PARVB: variants seen among roughly 807,000 people sequenced by gnomAD.
The protein encoded by PARVB is parvin beta.
A neutral mutation model predicts 47.0 loss-of-function variants in PARVB; 46 were observed. That is an observed-to-expected ratio of 0.98 (90% CI 0.77 to 1.25). The LOEUF is 1.25. Ranked by LOEUF, PARVB falls within the 50% of genes most tolerant of loss-of-function variation. The probability of loss-of-function intolerance (pLI) is 0.00; values close to 1 mark genes in which losing one functional copy is unlikely to be tolerated. For synonymous variants in PARVB, 196 were observed against 196.3 expected (o/e 1.00, Z 0.01); for missense variants, 473 against 471.6 (o/e 1.00, Z -0.03).
At chr22:44,100,565 A>G (rs563001221) in intron 3 of PARVB, among the ~76,000 whole-genome samples, 63 of 152,198 alleles carry the variant, frequency 4.1e-4, no homozygotes, top group Admixed American at 9.2e-4. Flanking sequence ...GCCTGCGCTG[A>G]GTGGACAGTC....
intron 4 of PARVB, among the ~76,000 whole-genome samples, chr22:44,123,163 A>G (rs2053108685): frequency 6.6e-6 from 1 of 152,184 alleles, no homozygotes; most frequent in African/African-American, 2.4e-5. Flanking sequence ...CAGTGTGCAG[A>G]CATGATGTAA....
chr22:44,086,484 C>A (rs893900692), intron 1 of PARVB, among the ~76,000 whole-genome samples: 1 of 152,162 alleles, frequency 6.6e-6, no homozygotes, highest in Non-Finnish European at 1.5e-5. Flanking sequence ...TGGGGAGGGC[C>A]AGGCCTCACA....
At chr22:44,087,899 G>C (rs909275527) in intron 1 of PARVB, among the ~76,000 whole-genome samples, 37 of 137,556 alleles carry the variant, frequency 2.7e-4, no homozygotes, top group African/African-American at 9.4e-4. Context: ...CCAATCTTTG[G>C]GTGGAGGCTT....
intron 4 of PARVB, among the ~76,000 whole-genome samples, chr22:44,127,476 T>C (rs1213630381): frequency 6.6e-6 from 1 of 152,220 alleles, no homozygotes; most frequent in African/African-American, 2.4e-5. Context: ...CTCTTTGGCT[T>C]TCCAAAGGCA....
chr22:44,060,220 G>T (rs867707425), intron 1 of PARVB, among the ~76,000 whole-genome samples: 2 of 152,084 alleles, frequency 1.3e-5, no homozygotes, highest in African/African-American at 2.4e-5. Context: ...GGAGGCTGAG[G>T]CAGGAGAATC....
At chr22:44,101,159 C>T (rs988782473) in intron 3 of PARVB, among the ~76,000 whole-genome samples, 48 of 152,134 alleles carry the variant, frequency 3.2e-4, no homozygotes, top group African/African-American at 1.0e-3. Context: ...CCTGTAATCC[C>T]AGCACTTTGG....
intron 1 of PARVB, among the ~76,000 whole-genome samples, chr22:44,036,696 G>A (rs868419567): frequency 3.3e-5 from 5 of 152,114 alleles, no homozygotes; most frequent in East Asian, 3.8e-4. Flanking sequence ...GAAGGAGTGC[G>A]TTGGCTCATG....
chr22:44,088,281 G>T (rs2052080138), intron 1 of PARVB, among the ~76,000 whole-genome samples: 1 of 152,172 alleles, frequency 6.6e-6, no homozygotes, highest in East Asian at 1.9e-4. Context: ...GCTTCAGCTG[G>T]GGAGAGGGGA....
intron 8 of PARVB, chr22:44,142,343 A>C: frequency 8.3e-6 from 1 of 119,940 alleles, no homozygotes; most frequent in Non-Finnish European, 1.6e-5. Flanking sequence ...GCGCCACTGC[A>C]CTCCAGCCTG....
intron 2 of PARVB, among the ~76,000 whole-genome samples, chr22:44,002,468 G>A (rs1042238515): frequency 6.6e-6 from 1 of 152,148 alleles, no homozygotes; most frequent in African/African-American, 2.4e-5. Context: ...AAACAAAAGC[G>A]AAGTGCCTGG....
rs1269124435 is a variant in PARVB, at chr22:44,100,171, T to C, written c.273+48T>C. Reference sequence around the variant, plus strand: ...GAATCTTCCTCTTAGGGCGAGGACTTGGCTTTGGGGTTCAGGGCTCTCATG... The same window carrying C: ...GAATCTTCCTCTTAGGGCGAGGACTCGGCTTTGGGGTTCAGGGCTCTCATG... On this transcript the variant is annotated intron_variant, in intron 3 of 12. Coordinates refer to ENST00000338758, the MANE Select transcript of PARVB (RefSeq NM_013327.5). The C allele has an allele frequency of 2.0e-6, 3 of 1,484,882 alleles. No homozygotes were observed. The Admixed American group carries it at 5.0e-5, about 25-fold the overall frequency. 92.0% of individuals were successfully genotyped at this position (1,484,882 alleles called of 1,614,324 possible).
At chr22:44,075,491 T>C (rs559078035) in intron 1 of PARVB, among the ~76,000 whole-genome samples, 3 of 152,140 alleles carry the variant, frequency 2.0e-5, no homozygotes, top group Non-Finnish European at 4.4e-5. Context: ...TCACCCAGAG[T>C]CCACAGTTTC....
chr22:44,012,127 T>C (rs1375347114), intron 2 of PARVB, among the ~76,000 whole-genome samples: 1 of 152,200 alleles, frequency 6.6e-6, no homozygotes, highest in Admixed American at 6.5e-5. Flanking sequence ...TGGGGGACTT[T>C]CCCAGTTTTC....
At chr22:44,165,362 T>C (rs1296612818) in intron 12 of PARVB, among the ~76,000 whole-genome samples, 1 of 152,180 alleles carries the variant, frequency 6.6e-6, no homozygotes, top group Non-Finnish European at 1.5e-5. Flanking sequence ...GTGCTGAGAA[T>C]GGTGCCTGGC....
chr22:44,047,362 G>A (rs115853909), intron 1 of PARVB, among the ~76,000 whole-genome samples: 1,960 of 152,244 alleles, frequency 0.013, 53 homozygotes, highest in African/African-American at 0.044. Flanking sequence ...GGCTTAGGTC[G>A]CTGTATTCAT....
At chr22:44,011,153 T>C (rs1426559331) in intron 2 of PARVB, among the ~76,000 whole-genome samples, 2 of 152,094 alleles carry the variant, frequency 1.3e-5, no homozygotes, top group Non-Finnish European at 2.9e-5. Flanking sequence ...AAAATATTTT[T>C]CATAGAGATG....
At chr22:44,038,431 A>G (rs935617834) in intron 1 of PARVB, among the ~76,000 whole-genome samples, 4 of 152,132 alleles carry the variant, frequency 2.6e-5, no homozygotes, top group African/African-American at 7.2e-5. Flanking sequence ...AAGCCTACTT[A>G]ACTCATAGGG....
chr22:44,037,972 C>G (rs2050950259), intron 1 of PARVB, among the ~76,000 whole-genome samples: 1 of 152,218 alleles, frequency 6.6e-6, no homozygotes, highest in Non-Finnish European at 1.5e-5. Context: ...GCTCCAGCTC[C>G]CAGGTCTTCT....
intron 1 of PARVB, among the ~76,000 whole-genome samples, chr22:44,034,422 G>T (rs1569064954): frequency 6.6e-6 from 1 of 151,556 alleles, no homozygotes; most frequent in Non-Finnish European, 1.5e-5. Context: ...TTGCTGTGTT[G>T]CCCAGGCTGG....
Sources: allele counts gnomAD v4.1 joint callset (sites outside exome capture counted in the v4.1 genomes callset), GRCh38; gene constraint gnomAD v4.1.1; transcripts MANE v1.5; gene names NCBI Gene and HGNC (gene_info 2026-07-23, HGNC 2026-07-21).